The following PCGF3 variants were observed in gnomAD, a reference collection of about 807,000 sequenced individuals.
The protein encoded by PCGF3 is polycomb group RING finger protein 3.
Under a neutral mutation model 33.1 loss-of-function variants are expected in PCGF3, and 7 were observed. The ratio of observed to expected loss-of-function variants is 0.21; its 90% confidence interval spans 0.12 to 0.40. PCGF3 has a LOEUF of 0.40. Among genes scored for constraint, PCGF3 ranks in the 10% least tolerant of loss-of-function variants. The probability of loss-of-function intolerance (pLI) is 1.00; values close to 1 mark genes in which losing one functional copy is unlikely to be tolerated. For missense variants in PCGF3, 211 were observed against 313.3 expected, an observed-to-expected ratio of 0.67 and a Z score of 2.46; for synonymous variants, 153 against 121.3, an observed-to-expected ratio of 1.26 and a Z score of -1.72.
intron 9 of PCGF3, chr4:762,152 C>A: frequency 5.7e-6 from 5 of 883,140 alleles, no homozygotes; most frequent in Non-Finnish European, 5.4e-6. Context: ...ACCCCCAGAG[C>A]CTGCAAATGG....
At chr4:718,683 G>C (rs888076329) in intron 1 of PCGF3, among the ~76,000 whole-genome samples, 1 of 152,174 alleles carries the variant, frequency 6.6e-6, no homozygotes, top group Non-Finnish European at 1.5e-5. Flanking sequence ...CTCTAATGCA[G>C]GCAACACCCT....
chr4:714,557 T>G lies in PCGF3; in HGVS notation c.-190+8587T>G, dbSNP rs188364824. 1.1e-4 allele frequency among the ~76,000 whole-genome samples: 16 copies of G among 152,336 alleles called. No homozygotes were observed. In the East Asian group the frequency reaches 2.5e-3, roughly 24 times the overall value. ...CCCAGCTGTCTTGAGAATGTCTCCATGTTTTCCTGAACCAGAGTCAGCCAG... is the reference window on the plus strand; with the variant it reads ...CCCAGCTGTCTTGAGAATGTCTCCAGGTTTTCCTGAACCAGAGTCAGCCAG... On this transcript the variant is annotated intron_variant, in intron 1 of 10. Coordinates refer to ENST00000362003, the Ensembl canonical transcript of PCGF3.
intron 1 of PCGF3, among the ~76,000 whole-genome samples, chr4:729,840 C>T (rs1038516052): frequency 6.6e-6 from 1 of 152,212 alleles, no homozygotes; most frequent in Non-Finnish European, 1.5e-5. Flanking sequence ...AAGCCACAGA[C>T]ACTGTACGTC....
chr4:716,553 C>T (rs1349140357), intron 1 of PCGF3, among the ~76,000 whole-genome samples: 25 of 68,124 alleles, frequency 3.7e-4, no homozygotes, highest in Admixed American at 3.5e-4. Context: ...GTGGACACTG[C>T]GAGTGTGAGA....
At chr4:766,057 G>A (rs764604416) in exon 11 of PCGF3, 2 of 1,614,114 alleles carry the variant, frequency 1.2e-6, no homozygotes, top group Non-Finnish European at 8.5e-7. Flanking sequence ...CTGCACTACA[G>A]ACCCAAGATG....
At chr4:719,998 C>G (rs547898542) in intron 1 of PCGF3, among the ~76,000 whole-genome samples, 1 of 152,244 alleles carries the variant, frequency 6.6e-6, no homozygotes, top group South Asian at 2.1e-4. Context: ...GGGCTGGGGG[C>G]ATCTGTGGGG....
chr4:750,075 G>C (rs1744445492), intron 8 of PCGF3, among the ~76,000 whole-genome samples: 1 of 152,236 alleles, frequency 6.6e-6, no homozygotes, highest in South Asian at 2.1e-4. Context: ...AAAGTGCCAG[G>C]ATTCCAGGCG....
In PCGF3 at chr4:721,498, G is replaced by C. The variant is rs1375983724; in HGVS notation, c.-189-9132G>C. ...CCAGGCTGCAGAGGGTGCCGGGGTG[G>C]AGAGCGGAAGAGAGAGGGAGTCGGT... On this transcript the variant is annotated intron_variant, in intron 1 of 10. Coordinates refer to ENST00000362003, the Ensembl canonical transcript of PCGF3. This position sits in a 1 kb window ranked among gnomAD's most constrained non-coding sequence, Gnocchi z 4.1. 6.6e-6 allele frequency among the ~76,000 whole-genome samples: 1 copy of C among 152,128 alleles called. No individual in the cohort carries two copies. Among genetic ancestry groups the C allele is most frequent in the Non-Finnish European group, 1.5e-5 (1 of 68,008 alleles).
intron 1 of PCGF3, among the ~76,000 whole-genome samples, chr4:712,201 C>T (rs965036335): frequency 8.5e-5 from 13 of 152,120 alleles, no homozygotes; most frequent in Admixed American, 2.6e-4. Context: ...CAAAACAAAA[C>T]TATCTTTCCA....
chr4:766,215 A>G, exon 11 of PCGF3: 1 of 669,356 alleles, frequency 1.5e-6, no homozygotes, highest in Non-Finnish European at 2.6e-6. Context: ...TTTGTATGAG[A>G]GAGAATTCAC....
chr4:754,908 G>A (rs1560215120), intron 8 of PCGF3, among the ~76,000 whole-genome samples: 1 of 152,202 alleles, frequency 6.6e-6, no homozygotes, highest in East Asian at 1.9e-4. Context: ...TTAAAAGGGA[G>A]GGAGCCTGCA....
At chr4:763,381 A>G (rs1009121514) in intron 9 of PCGF3, among the ~76,000 whole-genome samples, 1 of 152,006 alleles carries the variant, frequency 6.6e-6, no homozygotes, top group African/African-American at 2.4e-5. Flanking sequence ...GAAGAGTGTG[A>G]GGTTTGCGCT....
chr4:752,031 C>A (rs965254565), intron 8 of PCGF3, among the ~76,000 whole-genome samples: 1 of 152,296 alleles, frequency 6.6e-6, no homozygotes, highest in African/African-American at 2.4e-5. Flanking sequence ...TATTTACTCA[C>A]AACGATGTCT....
rs757559776 is a variant in PCGF3 at position 733,793 on chromosome 4, C to T, written c.109+4C>T. On this transcript the variant is annotated splice_donor_region_variant and intron_variant, in intron 4 of 10. Coordinates refer to ENST00000362003, the Ensembl canonical transcript of PCGF3. ...GTGACCGAGTGTCTGCACACCTGTA[C>T]GTGCCCTGCCCGCGCCACCCAGGGA... 2.9e-5 allele frequency: 46 copies of T among 1,613,648 alleles called. No individual in the cohort carries two copies. The highest frequency in any genetic ancestry group is 3.6e-5 in the Non-Finnish European group (42 of 1,180,032).
At chr4:737,873 A>G (rs938758446) in intron 6 of PCGF3, among the ~76,000 whole-genome samples, 9 of 152,202 alleles carry the variant, frequency 5.9e-5, no homozygotes, top group Non-Finnish European at 1.3e-4. Context: ...CCACAGCGCC[A>G]GCTTCCCCAC....
chr4:719,923 G>T (rs1743005900), intron 1 of PCGF3, among the ~76,000 whole-genome samples: 1 of 152,206 alleles, frequency 6.6e-6, no homozygotes, highest in African/African-American at 2.4e-5. Flanking sequence ...TCCGGACGAT[G>T]GGAACGAGAG....
chr4:711,233 G>A (rs1007524496), intron 1 of PCGF3, among the ~76,000 whole-genome samples: 2 of 152,252 alleles, frequency 1.3e-5, no homozygotes. Context: ...CTAGACTACA[G>A]CGGCTCTGTG....
chr4:737,106 C>T (rs1198897234), intron 5 of PCGF3, among the ~76,000 whole-genome samples: 2 of 97,488 alleles, frequency 2.1e-5, no homozygotes, highest in South Asian at 4.5e-4. Flanking sequence ...TCTGCAGGGA[C>T]GGTGTCCCCT....
chr4:734,634 G>A (rs1743755083), intron 4 of PCGF3: 1 of 1,242,504 alleles, frequency 8.0e-7, no homozygotes, highest in Admixed American at 3.9e-5. Context: ...ATGTTCTGAT[G>A]ACCCACAGCT....
Sources: gnomAD v4.1 joint callset for allele counts (sites outside exome capture counted in the v4.1 genomes callset) on GRCh38, gnomAD v4.1.1 for gene constraint, Gnocchi (gnomAD v3.1) non-coding constraint, MANE v1.5 for transcripts, NCBI Gene and HGNC (gene_info 2026-07-23, HGNC 2026-07-21) for gene names.